Variants in MFSD1 observed in about 807,000 individuals in gnomAD.
The protein encoded by MFSD1 is lysosomal dipeptide transporter MFSD1.
A neutral mutation model predicts 67.1 loss-of-function variants in MFSD1; 59 were observed. The observed-to-expected ratio is 0.88, with a 90% CI of 0.71 to 1.09. The LOEUF (loss-of-function observed/expected upper bound fraction) is 1.09. Ranked by LOEUF, MFSD1 falls within the 50% of genes least tolerant of loss-of-function variation. MFSD1 has a pLI of 0.00. For missense variants in MFSD1, 552 were observed against 566.1 expected (o/e 0.97, Z 0.25); for synonymous variants, 213 against 200.3 (o/e 1.06, Z -0.54).
intron 15 of MFSD1, among the ~76,000 whole-genome samples, chr3:158,828,316 T>A (rs923742712): frequency 6.6e-6 from 1 of 152,190 alleles, no homozygotes; most frequent in Non-Finnish European, 1.5e-5. Flanking sequence ...TACCATGTGA[T>A]TGTAATTGTT....
intron 1 of MFSD1, among the ~76,000 whole-genome samples, chr3:158,802,997 C>T (rs1729536591): frequency 6.6e-6 from 1 of 152,166 alleles, no homozygotes; most frequent in Non-Finnish European, 1.5e-5. Context: ...GTGTGTCTTG[C>T]TGATAGCTTC....
At chr3:158,827,014 A>G (rs1305881697) in intron 14 of MFSD1, among the ~76,000 whole-genome samples, 1 of 152,154 alleles carries the variant, frequency 6.6e-6, no homozygotes, top group African/African-American at 2.4e-5. Flanking sequence ...CAGTGTCCTA[A>G]GTAACAACAC....
chr3:158,822,101 G>A lies in MFSD1; in HGVS notation c.1038G>A (p.Met346Ile), dbSNP rs759738376. 1.1e-5 allele frequency: 17 copies of A among 1,613,744 alleles called. No homozygotes were observed. Among genetic ancestry groups the A allele is most frequent in the Non-Finnish European group, 1.4e-5 (17 of 1,179,814 alleles). ...TAGCAGCCACTCTTGTGTCCCACAT[G>A]ATGCTGGCCTTTACGATGTGGAACC... ...CAVAATLVSH[M>I]MLAFTMWNPW... The change falls in exon 11 of 16, where the codon ATG becomes ATA. Residue 346 changes from methionine (M) to isoleucine (I), a missense_variant. Coordinates refer to ENST00000415822, the MANE Select transcript of MFSD1 (RefSeq NM_022736.4).
rs1392775351 is a variant in MFSD1, at chr3:158,802,085, A to G, written c.-68A>G. On this transcript the variant is annotated 5_prime_UTR_variant, in exon 1 of 16. Coordinates refer to ENST00000415822, the MANE Select transcript of MFSD1 (RefSeq NM_022736.4). The stretch of plus-strand genomic sequence containing the variant: ...GTGACCGCCGTCTTGACAGTGTTCC[A>G]CGGGCGCTGCTTCCTGCCTGGGTTT... 3 of 1,579,506 alleles carry G rather than the reference A, an allele frequency of 1.9e-6. No homozygotes were observed. The highest frequency in any genetic ancestry group is 1.1e-5 in the South Asian group (1 of 87,168).
rs554893812 is a variant in MFSD1, at chr3:158,826,020, CT to C, written c.1298del (p.Leu433TyrfsTer9). 1.2e-6 allele frequency: 2 copies of C among 1,613,186 alleles called. No individual in the cohort carries two copies. The highest frequency in any genetic ancestry group is 1.1e-5 in the South Asian group (1 of 91,064). ...VFFIACVSLSLLSVVLLYLVN... is the reference protein window; with the variant it reads ...VFFIACVSLSXLSVVLLYLVN... ...CTATGTTTTTTCACTCCTAGTGTCA[CT>C]TTTATCTGTGGTCTTACTCTATTTG... On this transcript the variant is annotated frameshift_variant, in exon 14 of 16. Coordinates refer to ENST00000415822, the MANE Select transcript of MFSD1 (RefSeq NM_022736.4). LOFTEE classifies it high-confidence loss of function.
chr3:158,827,701 C>T (rs1192253087), intron 15 of MFSD1, among the ~76,000 whole-genome samples: 1 of 151,992 alleles, frequency 6.6e-6, no homozygotes, highest in East Asian at 1.9e-4. Flanking sequence ...CAGATGTGAG[C>T]CACTGCGCCT....
chr3:158,816,678 G>A (rs1177756447), intron 7 of MFSD1, among the ~76,000 whole-genome samples: 88 of 151,286 alleles, frequency 5.8e-4, no homozygotes, highest in African/African-American at 2.1e-3. Context: ...GTCAATTTTG[G>A]CTTTTGTTGC....
At position 158,821,968 on chromosome 3, in the gene MFSD1, T is replaced by C. The variant is rs548620903; in HGVS notation, c.921-16T>C. 27 of 1,605,962 alleles carry C rather than the reference T, an allele frequency of 1.7e-5. No homozygotes were observed. In the East Asian group the frequency reaches 3.8e-4, roughly 23 times the overall value. ...GTGTTGCATTTCATGAAATGTCTTA[T>C]GTGTTCTCTGGGCAGTGTTGTATAT... is the stretch of plus-strand genomic sequence containing the variant. On this transcript the variant is annotated splice_polypyrimidine_tract_variant and intron_variant, in intron 10 of 15. Transcript: ENST00000415822.
intron 5 of MFSD1, chr3:158,808,977 T>A (rs985880975): frequency 3.6e-5 from 16 of 448,302 alleles, no homozygotes; most frequent in African/African-American, 2.4e-4. Flanking sequence ...CTTTTATAAC[T>A]GAGCCTTGGG....
intron 3 of MFSD1, 76 bp downstream of exon 3, chr3:158,805,550 A>C (rs1729683744): frequency 9.1e-7 from 1 of 1,096,406 alleles, no homozygotes; most frequent in African/African-American, 1.6e-5. Flanking sequence ...AGGTATTTCT[A>C]GAAAGAGCTG....
intron 10 of MFSD1, 55 bp from the exon 11 acceptor site, chr3:158,821,929 A>T: frequency 6.4e-7 from 1 of 1,557,452 alleles, no homozygotes; most frequent in Non-Finnish European, 8.8e-7. Context: ...CTTTCTTGAA[A>T]CTGATGTTTG....
At position 158,814,980 on chromosome 3, in the gene MFSD1, G is replaced by A. The variant is rs141542970; in HGVS notation, c.652+913G>A. Among the ~76,000 whole-genome samples, 16 of 152,250 alleles carry A rather than the reference G, an allele frequency of 1.1e-4. No homozygotes were observed. The East Asian group carries it at 3.1e-3, about 30-fold the overall frequency. On this transcript the variant is annotated intron_variant, in intron 7 of 15. Coordinates refer to ENST00000415822, the MANE Select transcript of MFSD1 (RefSeq NM_022736.4). ...GCCTGTAATCCCAGCTACCCGGGAG[G>A]CTGAGGCAGGAGAATCCCTTGAACC...
At chr3:158,802,615 G>A in intron 1 of MFSD1, 1 of 648,586 alleles carries the variant, frequency 1.5e-6, no homozygotes, top group South Asian at 1.5e-5. Flanking sequence ...TAGATATGAA[G>A]GTAACTCCAG....
At chr3:158,823,372 A>G in intron 11 of MFSD1, 56 bp from the exon 12 acceptor site, 2 of 1,224,516 alleles carry the variant, frequency 1.6e-6, no homozygotes, top group Non-Finnish European at 2.4e-6. Flanking sequence ...GCATTAAAGG[A>G]AAATCACCTT....
chr3:158,824,383 T>C (rs1407452496), intron 13 of MFSD1, 147 bp downstream of exon 13: 2 of 643,442 alleles, frequency 3.1e-6, no homozygotes, highest in East Asian at 5.2e-5. Flanking sequence ...CTCTGAAGAT[T>C]CACAGGCATT....
chr3:158,807,124 T>A, intron 4 of MFSD1, 42 bp downstream of exon 4: 1 of 1,543,408 alleles, frequency 6.5e-7, no homozygotes, highest in Non-Finnish European at 8.9e-7. Context: ...GACAGTGACT[T>A]CTAAATTCTT....
chr3:158,809,153 G>GTTTT, intron 5 of MFSD1, 26 bp from the exon 6 acceptor site: 42 of 1,205,114 alleles, frequency 3.5e-5, no homozygotes, highest in African/African-American at 6.5e-5. Context: ...GTGACTTCTG[G>GTTTT]TTTTTTTTTT....
chr3:158,828,553 G>T (rs1479642597), intron 15 of MFSD1, among the ~76,000 whole-genome samples: 1 of 152,102 alleles, frequency 6.6e-6, no homozygotes, highest in Non-Finnish European at 1.5e-5. Context: ...CATGTGATAT[G>T]TTGTTAAAAC....
At chr3:158,818,384 A>AT (rs1197139849) in intron 7 of MFSD1, among the ~76,000 whole-genome samples, 1 of 151,918 alleles carries the variant, frequency 6.6e-6, no homozygotes, top group African/African-American at 2.4e-5. Flanking sequence ...TCTTCTAGCT[A>AT]TTTTTTAATG....
Sources: gnomAD v4.1 joint callset for allele counts (sites outside exome capture counted in the v4.1 genomes callset) on GRCh38, gnomAD v4.1.1 for gene constraint, MANE v1.5 for transcripts, NCBI Gene and HGNC (gene_info 2026-07-23, HGNC 2026-07-21) for gene names.